UNC5C: variants seen among roughly 807,000 people sequenced by gnomAD.
The protein encoded by UNC5C is unc-5 netrin receptor C.
Under a neutral mutation model 99.8 loss-of-function variants are expected in UNC5C, and 47 were observed. The ratio of observed to expected loss-of-function variants is 0.47; its 90% CI spans 0.37 to 0.60. The LOEUF (loss-of-function observed/expected upper bound fraction) is 0.60. Among genes scored for constraint, UNC5C ranks in the 20% least tolerant of loss-of-function variants. The probability of loss-of-function intolerance (pLI) is 0.00; values close to 1 mark genes in which losing one functional copy is unlikely to be tolerated. For synonymous variants in UNC5C, 487 were observed against 452.2 expected, an observed-to-expected ratio of 1.08 and a Z score of -0.98; for missense variants, 1,062 against 1,165.9, an observed-to-expected ratio of 0.91 and a Z score of 1.30.
At chr4:95,370,651 T>C (rs1744717134) in intron 1 of UNC5C, among the ~76,000 whole-genome samples, 1 of 152,228 alleles carries the variant, frequency 6.6e-6, no homozygotes, top group Non-Finnish European at 1.5e-5. Context: ...TGCTCACTTA[T>C]ATTTGGCAGC....
chr4:95,392,216 A>G (rs1401523482), intron 1 of UNC5C, among the ~76,000 whole-genome samples: 1 of 152,084 alleles, frequency 6.6e-6, no homozygotes, highest in Non-Finnish European at 1.5e-5. Flanking sequence ...AACTCCCTTC[A>G]CTCCCTAGAA....
intron 1 of UNC5C, among the ~76,000 whole-genome samples, chr4:95,442,869 C>CTATG (rs1245066321): frequency 3.3e-5 from 5 of 151,860 alleles, no homozygotes; most frequent in African/African-American, 1.2e-4. Flanking sequence ...CAAATATATG[C>CTATG]TATGTATGTA....
In UNC5C at chr4:95,360,492, T is replaced by C. The variant is rs371594090; in HGVS notation, c.125-24861A>G. Among the ~76,000 whole-genome samples, 56 of 152,124 alleles carry C rather than the reference T, an allele frequency of 3.7e-4. No homozygotes were observed. In the Middle Eastern group the frequency reaches 0.01, roughly 28 times the overall value. On this transcript the variant is annotated intron_variant, in intron 1 of 15. Coordinates refer to ENST00000453304, the MANE Select transcript of UNC5C (RefSeq NM_003728.4). ...GTGAAATAAATAAACAAACAGAAAATTTGCAAAAAACATACAGGGAAAGGA... is the reference window on the plus strand; with the variant it reads ...GTGAAATAAATAAACAAACAGAAAACTTGCAAAAAACATACAGGGAAAGGA...
intron 1 of UNC5C, among the ~76,000 whole-genome samples, chr4:95,529,590 G>T (rs772176602): frequency 1.3e-5 from 2 of 151,822 alleles, no homozygotes; most frequent in East Asian, 3.9e-4. Flanking sequence ...GCTAGGCAGG[G>T]TGGTGCATCC....
At chr4:95,482,377 A>G (rs1186074767) in intron 1 of UNC5C, among the ~76,000 whole-genome samples, 4 of 152,072 alleles carry the variant, frequency 2.6e-5, no homozygotes, top group Non-Finnish European at 4.4e-5. Flanking sequence ...TGGAGAGGAT[A>G]TGGAGAAATA....
At chr4:95,225,359 C>T (rs1393000155) in intron 7 of UNC5C, among the ~76,000 whole-genome samples, 1 of 152,108 alleles carries the variant, frequency 6.6e-6, no homozygotes, top group Non-Finnish European at 1.5e-5. Flanking sequence ...ACCTGGCCTC[C>T]ACAGTGAGTT....
At chr4:95,305,568 T>C (rs1231677108) in intron 2 of UNC5C, among the ~76,000 whole-genome samples, 1 of 152,176 alleles carries the variant, frequency 6.6e-6, no homozygotes. Context: ...AATGCTTTGG[T>C]CTACAGGACT....
intron 2 of UNC5C, among the ~76,000 whole-genome samples, 194 bp from the exon 3 acceptor site, chr4:95,301,943 G>T (rs1435657306): frequency 6.6e-6 from 1 of 151,982 alleles, no homozygotes; most frequent in Admixed American, 6.6e-5. Flanking sequence ...TCTCTTATTT[G>T]CTATTTCACA....
chr4:95,292,669 C>T (rs1401009700), intron 3 of UNC5C, among the ~76,000 whole-genome samples: 1 of 152,090 alleles, frequency 6.6e-6, no homozygotes, highest in Non-Finnish European at 1.5e-5. Context: ...GTAATAAGTA[C>T]AAGAGTGTAG....
At chr4:95,329,696 A>G (rs1003185404) in intron 2 of UNC5C, among the ~76,000 whole-genome samples, 12 of 152,334 alleles carry the variant, frequency 7.9e-5, no homozygotes, top group Admixed American at 2.0e-4. Flanking sequence ...ATATTTATGT[A>G]TTTATAAAAT....
chr4:95,178,314 G>A (rs1736453823), intron 14 of UNC5C, among the ~76,000 whole-genome samples: 1 of 152,160 alleles, frequency 6.6e-6, no homozygotes, highest in Non-Finnish European at 1.5e-5. Flanking sequence ...CAAAAGTCCT[G>A]TGCCCTGGGG....
intron 7 of UNC5C, among the ~76,000 whole-genome samples, chr4:95,235,631 T>A (rs934499827): frequency 2.6e-5 from 4 of 152,240 alleles, no homozygotes; most frequent in Non-Finnish European, 4.4e-5. Context: ...AACATTGCAG[T>A]CTTTAATCCA....
In UNC5C at chr4:95,229,269, C is replaced by A. The variant is rs1423172874; in HGVS notation, c.1109-9093G>T. On this transcript the variant is annotated intron_variant, in intron 7 of 15. Coordinates refer to ENST00000453304, the MANE Select transcript of UNC5C (RefSeq NM_003728.4). Reference sequence around the variant, plus strand: ...CATTAGGTTTTCTCCTAATGCTATCCCTCCCCTAGCCCCCCACCCCGACAG... The same window carrying A: ...CATTAGGTTTTCTCCTAATGCTATCACTCCCCTAGCCCCCCACCCCGACAG... Among the ~76,000 whole-genome samples the A allele has an allele frequency of 7.2e-5, 11 of 152,072 alleles. No homozygotes were observed. The South Asian group carries it at 2.3e-3, about 32-fold the overall frequency.
At chr4:95,181,321 G>A (rs1034352546) in intron 14 of UNC5C, among the ~76,000 whole-genome samples, 1 of 152,150 alleles carries the variant, frequency 6.6e-6, no homozygotes, top group African/African-American at 2.4e-5. Context: ...ATCACACTAT[G>A]CAAAACTGTC....
chr4:95,541,128 A>G (rs960103003), intron 1 of UNC5C, among the ~76,000 whole-genome samples: 1 of 152,228 alleles, frequency 6.6e-6, no homozygotes, highest in African/African-American at 2.4e-5. Flanking sequence ...AAGGTAAAGT[A>G]GTCCCCCTGC....
intron 2 of UNC5C, among the ~76,000 whole-genome samples, chr4:95,328,040 C>CTTTTTTTTTTTTTTTTTTTTATTTTT (rs1742960300): frequency 1.1e-5 from 1 of 87,096 alleles, no homozygotes. Flanking sequence ...CAGGCAACTT[C>CTTTTTTTTTTTTTTTTTTTTATTTTT]TTTTTTTTTT....
At chr4:95,444,422 C>A (rs773092135) in intron 1 of UNC5C, among the ~76,000 whole-genome samples, 5 of 152,192 alleles carry the variant, frequency 3.3e-5, no homozygotes, top group Non-Finnish European at 5.9e-5. Flanking sequence ...GATCCGCCCC[C>A]CTGGCTTCAC....
At chr4:95,479,195 T>C (rs1197331373) in intron 1 of UNC5C, among the ~76,000 whole-genome samples, 1 of 152,054 alleles carries the variant, frequency 6.6e-6, no homozygotes, top group Non-Finnish European at 1.5e-5. Flanking sequence ...TGTTGACTTG[T>C]ATAAAGAGTT....
intron 1 of UNC5C, among the ~76,000 whole-genome samples, chr4:95,524,992 C>G (rs1722461209): frequency 6.6e-6 from 1 of 152,032 alleles, no homozygotes; most frequent in Non-Finnish European, 1.5e-5. Flanking sequence ...CTCATTTGTT[C>G]TTTTTTAAAA....
Sources: allele counts gnomAD v4.1 joint callset (sites outside exome capture counted in the v4.1 genomes callset), GRCh38; gene constraint gnomAD v4.1.1; transcripts MANE v1.5; gene names NCBI Gene and HGNC (gene_info 2026-07-23, HGNC 2026-07-21).